The following ARHGAP26 variants were observed in gnomAD, a reference collection of about 807,000 sequenced individuals.
ARHGAP26 encodes the protein rho GTPase-activating protein 26.
ARHGAP26 carries 38 observed loss-of-function variants against 104.8 expected under a neutral mutation model. That is an observed-to-expected ratio of 0.36 (90% CI 0.28 to 0.48). The LOEUF is 0.48. ARHGAP26 is among the 20% of genes least tolerant of loss of function. The pLI, the probability that ARHGAP26 is intolerant of heterozygous loss-of-function variation, is 0.99. For missense variants in ARHGAP26, 704 were observed against 947.9 expected, an observed-to-expected ratio of 0.74 and a Z score of 3.38; for synonymous variants, 341 against 340.0, an observed-to-expected ratio of 1.00 and a Z score of -0.03.
At chr5:142,969,888 G>C (rs1771979318) in intron 11 of ARHGAP26, among the ~76,000 whole-genome samples, 3 of 152,048 alleles carry the variant, frequency 2.0e-5, no homozygotes, top group Non-Finnish European at 1.5e-5. Context: ...ACAGTGTTTT[G>C]GTGACACTGC....
intron 11 of ARHGAP26, among the ~76,000 whole-genome samples, chr5:142,968,386 C>G (rs1411242651): frequency 6.6e-6 from 1 of 152,276 alleles, no homozygotes; most frequent in South Asian, 2.1e-4. Flanking sequence ...GCTTCTTAGC[C>G]TGTCCTTTCT....
At chr5:143,219,257 A>G (rs1202981835) in intron 22 of ARHGAP26, among the ~76,000 whole-genome samples, 1 of 152,220 alleles carries the variant, frequency 6.6e-6, no homozygotes, top group Non-Finnish European at 1.5e-5. Context: ...AAATACAGAT[A>G]ATAATAATAC....
intron 1 of ARHGAP26, among the ~76,000 whole-genome samples, chr5:142,823,365 TC>T (rs1766578630): frequency 6.6e-6 from 1 of 152,178 alleles, no homozygotes; most frequent in Non-Finnish European, 1.5e-5. Flanking sequence ...CTGGTGCTCC[TC>T]CCTTCATTCA....
At chr5:143,042,931 G>GT (rs1054508679) in intron 14 of ARHGAP26, among the ~76,000 whole-genome samples, 75 of 151,788 alleles carry the variant, frequency 4.9e-4, no homozygotes, top group African/African-American at 1.6e-3. Context: ...GAGTATCTGG[G>GT]TTTTTTTTGG....
At chr5:143,167,530 T>A (rs946188406) in intron 20 of ARHGAP26, among the ~76,000 whole-genome samples, 15 of 142,294 alleles carry the variant, frequency 1.1e-4, no homozygotes, top group African/African-American at 3.6e-4. Flanking sequence ...AAATCCATTG[T>A]TTGTAATAAG....
At chr5:142,835,289 A>T (rs534469253) in intron 1 of ARHGAP26, among the ~76,000 whole-genome samples, 1 of 152,218 alleles carries the variant, frequency 6.6e-6, no homozygotes, top group East Asian at 1.9e-4. Flanking sequence ...TTGTACCTTA[A>T]CCCATCAGAG....
At chr5:142,938,015 A>G (rs1487124337) in intron 11 of ARHGAP26, among the ~76,000 whole-genome samples, 2 of 152,216 alleles carry the variant, frequency 1.3e-5, no homozygotes, top group African/African-American at 2.4e-5. Context: ...GCAGCAAAGT[A>G]TATGTGTATA....
intron 2 of ARHGAP26, among the ~76,000 whole-genome samples, chr5:142,873,803 A>G (rs1328205284): frequency 3.9e-5 from 6 of 152,090 alleles, no homozygotes; most frequent in Non-Finnish European, 7.4e-5. Context: ...CAACCATAGT[A>G]CTAAGAGCTT....
chr5:143,119,700 C>G (rs1379463275), intron 17 of ARHGAP26, among the ~76,000 whole-genome samples: 1 of 152,176 alleles, frequency 6.6e-6, no homozygotes, highest in Non-Finnish European at 1.5e-5. Context: ...CTCTTTCTAA[C>G]TGGGCTGTGC....
chr5:142,906,706 A>G (rs1193394744), intron 8 of ARHGAP26, among the ~76,000 whole-genome samples: 1 of 152,222 alleles, frequency 6.6e-6, no homozygotes, highest in South Asian at 2.1e-4. Flanking sequence ...CCAGTCTGTA[A>G]GAATACACTA....
intron 1 of ARHGAP26, among the ~76,000 whole-genome samples, chr5:142,777,394 C>T (rs889652586): frequency 1.3e-5 from 2 of 152,202 alleles, no homozygotes; most frequent in Admixed American, 1.3e-4. Flanking sequence ...AAAATGAGAA[C>T]CGGCCAAGGA....
At chr5:143,218,021 C>A (rs1220979264) in intron 22 of ARHGAP26, among the ~76,000 whole-genome samples, 2 of 152,180 alleles carry the variant, frequency 1.3e-5, no homozygotes, top group Non-Finnish European at 2.9e-5. Flanking sequence ...TCTTTATGTT[C>A]TCAAGTAAGG....
intron 20 of ARHGAP26, among the ~76,000 whole-genome samples, chr5:143,196,875 A>G (rs1806925256): frequency 6.6e-6 from 1 of 152,188 alleles, no homozygotes; most frequent in Admixed American, 6.5e-5. Context: ...GGATGACCTC[A>G]ACAGCACCCC....
chr5:142,917,698 T>C (rs866655920), intron 10 of ARHGAP26, among the ~76,000 whole-genome samples: 33 of 152,150 alleles, frequency 2.2e-4, no homozygotes, highest in African/African-American at 7.5e-4. Flanking sequence ...CTTCCATCTT[T>C]TATTTATTTG....
At chr5:142,859,874 G>A (rs1474895238) in intron 1 of ARHGAP26, 1 of 152,250 alleles carries the variant, frequency 6.6e-6, no homozygotes, top group Non-Finnish European at 1.5e-5. Flanking sequence ...GGCCGTTCAT[G>A]TTTCTTTGGA....
intron 17 of ARHGAP26, among the ~76,000 whole-genome samples, chr5:143,119,702 G>T (rs116645830): frequency 9.1e-4 from 139 of 152,224 alleles, no homozygotes; most frequent in African/African-American, 3.2e-3. Context: ...CTTTCTAACT[G>T]GGCTGTGCCA....
At chr5:142,772,982 A>T in intron 1 of ARHGAP26, 1 of 493,444 alleles carries the variant, frequency 2.0e-6, no homozygotes, top group Non-Finnish European at 4.2e-6. Context: ...CAGCCCTGTA[A>T]TCTGGAGGAA....
At chr5:142,958,674 A>G (rs534134276) in intron 11 of ARHGAP26, among the ~76,000 whole-genome samples, 62 of 152,184 alleles carry the variant, frequency 4.1e-4, no homozygotes, top group Non-Finnish European at 6.6e-4. Context: ...CTTGAAAAAC[A>G]AAACAGTATA....
At chr5:143,222,283 A>C (rs1005153327) in intron 22 of ARHGAP26, 75 bp from the exon 23 acceptor site, 150 of 861,568 alleles carry the variant, frequency 1.7e-4, no homozygotes, top group South Asian at 5.1e-4. Context: ...ACACACACAC[A>C]CCCCACACAC....
Sources: allele counts gnomAD v4.1 joint callset (sites outside exome capture counted in the v4.1 genomes callset), GRCh38; gene constraint gnomAD v4.1.1; transcripts MANE v1.5; gene names NCBI Gene and HGNC (gene_info 2026-07-23, HGNC 2026-07-21).